Variants in DIAPH3 observed in about 807,000 individuals in gnomAD.
The protein encoded by DIAPH3 is diaphanous related formin 3, also known as protein diaphanous homolog 3.
DIAPH3 carries 117 observed loss-of-function variants against 144.3 expected under a neutral mutation model. That is an observed-to-expected ratio of 0.81 (90% confidence interval 0.70 to 0.95). The LOEUF is 0.95. Ranked by LOEUF, DIAPH3 falls within the 40% of genes least tolerant of loss-of-function variation. DIAPH3 has a pLI of 0.00. For synonymous variants in DIAPH3, 519 were observed against 488.9 expected (o/e 1.06, Z -0.81); for missense variants, 1,421 against 1,412.7 (o/e 1.01, Z -0.09).
At chr13:59,991,926 AAAAT>A (rs1195753764) in intron 11 of DIAPH3, 138 bp downstream of exon 11, 3 of 703,670 alleles carry the variant, frequency 4.3e-6, no homozygotes, top group Non-Finnish European at 5.0e-6. Context: ...ACAAATTAAT[AAAAT>A]AATAACATTC....
intron 20 of DIAPH3, among the ~76,000 whole-genome samples, chr13:59,883,711 C>A (rs1593822797): frequency 6.6e-6 from 1 of 152,248 alleles, no homozygotes; most frequent in East Asian, 1.9e-4. Flanking sequence ...ACTGTCCTTA[C>A]CACTCAGAGC....
intron 4 of DIAPH3, among the ~76,000 whole-genome samples, chr13:60,066,846 CA>C (rs1480260438): frequency 6.6e-6 from 1 of 152,194 alleles, no homozygotes; most frequent in African/African-American, 2.4e-5. Flanking sequence ...GCTCAATCAT[CA>C]ATCTGATTTC....
intron 27 of DIAPH3, among the ~76,000 whole-genome samples, chr13:59,762,778 G>A (rs1431726071): frequency 1.3e-5 from 2 of 152,012 alleles, no homozygotes; most frequent in Non-Finnish European, 2.9e-5. Flanking sequence ...AAACTCATGT[G>A]GAAATTTAAT....
At chr13:59,780,261 T>C (rs1335815745) in intron 25 of DIAPH3, among the ~76,000 whole-genome samples, 16 of 152,096 alleles carry the variant, frequency 1.1e-4, no homozygotes, top group Admixed American at 1.0e-3. Flanking sequence ...GAATGATGAC[T>C]CGAAGAATAA....
At chr13:59,724,446 C>G (rs965307687) in intron 27 of DIAPH3, among the ~76,000 whole-genome samples, 1 of 152,042 alleles carries the variant, frequency 6.6e-6, no homozygotes, top group Non-Finnish European at 1.5e-5. Context: ...AAATGGTACA[C>G]AAAACTCTTG....
chr13:59,881,203 C>A (rs1231109493), intron 20 of DIAPH3, among the ~76,000 whole-genome samples: 1 of 151,446 alleles, frequency 6.6e-6, no homozygotes, highest in Non-Finnish European at 1.5e-5. Context: ...TTTTTTTATC[C>A]TTAACCATTG....
At chr13:60,039,450 T>G (rs1228748722) in intron 5 of DIAPH3, among the ~76,000 whole-genome samples, 2 of 151,950 alleles carry the variant, frequency 1.3e-5, no homozygotes, top group Non-Finnish European at 1.5e-5. Flanking sequence ...AGTACAGGCA[T>G]GCATCACCAT....
chr13:59,699,585 G>A (rs1174790312), intron 27 of DIAPH3, among the ~76,000 whole-genome samples: 1 of 152,166 alleles, frequency 6.6e-6, no homozygotes, highest in Non-Finnish European at 1.5e-5. Context: ...GGTTTTATCA[G>A]AAAGTGATTT....
At chr13:59,777,041 T>A (rs2038456348) in intron 25 of DIAPH3, among the ~76,000 whole-genome samples, 1 of 152,170 alleles carries the variant, frequency 6.6e-6, no homozygotes, top group Non-Finnish European at 1.5e-5. Context: ...AAATCTTCGT[T>A]TCTAATGACC....
Position 59,971,024 on chromosome 13 carries a change from G to A in DIAPH3, c.1787C>T (p.Pro596Leu), listed in dbSNP as rs150023947. The change falls in exon 16 of 28, where the codon CCT becomes CTT. Residue 596 changes from proline to leucine, a missense_variant. Pro to Leu is a moderately conservative substitution (Grantham distance 98, BLOSUM62 -3). Coordinates refer to ENST00000400324, the MANE Select transcript of DIAPH3 (RefSeq NM_001042517.2). ...CATCCGCATTCCTGGAAGTGGAGGA[G>A]GTGGTGGGGGAGGAGGTGGAGGCGG... ...GVPPPPPPPP[P>L]PPLPGMRMPF... 9,976 of 1,613,752 alleles carry A rather than the reference G, an allele frequency of 6.2e-3. 105 individuals carry two copies. The highest frequency in any genetic ancestry group is 0.032 in the South Asian group (2,875 of 91,066).
intron 4 of DIAPH3, among the ~76,000 whole-genome samples, chr13:60,092,070 G>A (rs1252305204): frequency 2.0e-5 from 3 of 151,916 alleles, no homozygotes; most frequent in Non-Finnish European, 1.5e-5. Flanking sequence ...CAAACTCCTG[G>A]CCTCAAGAGG....
At chr13:60,022,326 A>T (rs1213161375) in intron 5 of DIAPH3, among the ~76,000 whole-genome samples, 1 of 152,174 alleles carries the variant, frequency 6.6e-6, no homozygotes, top group Non-Finnish European at 1.5e-5. Flanking sequence ...CCTTGTTCTC[A>T]ATCTATCTTA....
At chr13:59,730,919 C>A (rs1356119592) in intron 27 of DIAPH3, among the ~76,000 whole-genome samples, 1 of 152,116 alleles carries the variant, frequency 6.6e-6, no homozygotes, top group African/African-American at 2.4e-5. Flanking sequence ...AATCCCAAAT[C>A]CTTACCTTAC....
rs1343408696 is a variant in DIAPH3, at chr13:59,808,287, A to T, written c.3163+2501T>A. Among the ~76,000 whole-genome samples, 4 of 152,086 alleles carry T rather than the reference A, an allele frequency of 2.6e-5. No homozygotes were observed. The East Asian group carries it at 7.7e-4, about 29-fold the overall frequency. On this transcript the variant is annotated intron_variant, in intron 25 of 27. Coordinates refer to ENST00000400324, the MANE Select transcript of DIAPH3 (RefSeq NM_001042517.2). Reference sequence around the variant, plus strand: ...CTGAGCTAACTTGTACAAATCAATAAGAAAAAGATAACAATTCACAACAGA... The same window carrying T: ...CTGAGCTAACTTGTACAAATCAATATGAAAAAGATAACAATTCACAACAGA...
At chr13:59,889,600 C>T in intron 20 of DIAPH3, among the ~76,000 whole-genome samples, 1 of 151,840 alleles carries the variant, frequency 6.6e-6, no homozygotes, top group South Asian at 2.1e-4. Context: ...AAAACCTGGG[C>T]CATTTTGGAC....
chr13:60,100,970 C>G (rs774701776), intron 3 of DIAPH3, among the ~76,000 whole-genome samples: 1 of 152,100 alleles, frequency 6.6e-6, no homozygotes, highest in Non-Finnish European at 1.5e-5. Context: ...ATTCAAAACA[C>G]AAACTTCTCC....
chr13:60,068,257 T>TATTTTC (rs1337691719), intron 4 of DIAPH3, among the ~76,000 whole-genome samples: 25 of 152,270 alleles, frequency 1.6e-4, no homozygotes, highest in African/African-American at 6.0e-4. Context: ...TGAGAATGCA[T>TATTTTC]ATTTTCTTTT....
At chr13:59,912,391 A>G (rs1225871309) in intron 19 of DIAPH3, among the ~76,000 whole-genome samples, 1 of 152,152 alleles carries the variant, frequency 6.6e-6, no homozygotes, top group Non-Finnish European at 1.5e-5. Flanking sequence ...AACTTTTCTG[A>G]TGTGAAAGAA....
intron 25 of DIAPH3, among the ~76,000 whole-genome samples, chr13:59,801,999 C>T (rs990707483): frequency 2.0e-5 from 3 of 151,988 alleles, no homozygotes; most frequent in African/African-American, 7.2e-5. Context: ...AGACTTTGAG[C>T]AACCTTCACG....
Sources: allele counts gnomAD v4.1 joint callset (sites outside exome capture counted in the v4.1 genomes callset), GRCh38; gene constraint gnomAD v4.1.1; transcripts MANE v1.5; gene names NCBI Gene and HGNC (gene_info 2026-07-23, HGNC 2026-07-21).